Variants in PRLR observed in about 807,000 individuals in gnomAD.
The protein encoded by PRLR is prolactin receptor.
In PRLR, 13 loss-of-function variants were observed where a neutral mutation model predicts 40.2. The observed-to-expected ratio is 0.32, with a 90% CI of 0.21 to 0.51. The LOEUF (loss-of-function observed/expected upper bound fraction) is 0.51, where lower values mean the gene tolerates loss of function less well. PRLR is among the 20% of genes least tolerant of loss of function. The pLI is 0.97. For missense variants in PRLR, 656 were observed against 747.3 expected (o/e 0.88, Z 1.42); for synonymous variants, 269 against 278.7 (o/e 0.97, Z 0.35).
chr5:35,119,411 C>A (rs1773201161), intron 1 of PRLR, among the ~76,000 whole-genome samples: 1 of 151,944 alleles, frequency 6.6e-6, no homozygotes, highest in Non-Finnish European at 1.5e-5. Context: ...CACACACACA[C>A]ACACCACTTT....
chr5:35,157,669 C>A (rs1273000511), intron 1 of PRLR, among the ~76,000 whole-genome samples: 2 of 152,136 alleles, frequency 1.3e-5, no homozygotes, highest in African/African-American at 4.8e-5. Flanking sequence ...CTACTTTAAG[C>A]ACACATACCC....
At chr5:35,138,954 T>C (rs1773934369) in intron 1 of PRLR, among the ~76,000 whole-genome samples, 1 of 152,086 alleles carries the variant, frequency 6.6e-6, no homozygotes, top group African/African-American at 2.4e-5. Flanking sequence ...TGTCAGGGAC[T>C]GAGGGGTAGG....
At chr5:35,173,932 A>G (rs1159594262) in intron 1 of PRLR, among the ~76,000 whole-genome samples, 1 of 152,054 alleles carries the variant, frequency 6.6e-6, no homozygotes, top group Non-Finnish European at 1.5e-5. Context: ...TGCTGCATCC[A>G]TTAACTCATC....
intron 1 of PRLR, among the ~76,000 whole-genome samples, chr5:35,189,191 C>T (rs1775530625): frequency 6.6e-6 from 1 of 152,172 alleles, no homozygotes; most frequent in Non-Finnish European, 1.5e-5. Context: ...CAGAAGCTAG[C>T]AGACAGCCAT....
chr5:35,191,048 CTTTTTTTTTTTTTTTTTTTTTTTTTT>C lies in PRLR; in HGVS notation c.-106+39194_-106+39219del, dbSNP rs869174221. The stretch of plus-strand genomic sequence containing the variant: ...ATCCAATTAACAGATGTGTTATTTT[CTTTTTTTTTTTTTTTTTTTTTTTTTT>C]TTTTTTTTTTTTTTGAGACGGAGTC... On this transcript the variant is annotated intron_variant, in intron 1 of 9. Coordinates refer to ENST00000618457, the MANE Select transcript of PRLR (RefSeq NM_000949.7). Among the ~76,000 whole-genome samples the C allele has an allele frequency of 8.8e-5, 6 of 68,166 alleles. No homozygotes were observed. The East Asian group carries it at 3.1e-3, about 35-fold the overall frequency. The allele number at this position is 68,166 out of a possible 152,430, so 44.7% of individuals were successfully genotyped here.
At chr5:35,156,050 A>T (rs748258416) in intron 1 of PRLR, among the ~76,000 whole-genome samples, 3 of 151,612 alleles carry the variant, frequency 2.0e-5, no homozygotes, top group Non-Finnish European at 4.4e-5. Context: ...AATACAGTTT[A>T]TAAGTGTGTT....
At chr5:35,051,258 T>A (rs1768488260), downstream of PRLR, among the ~76,000 whole-genome samples, 1 of 152,236 alleles carries the variant, frequency 6.6e-6, no homozygotes, top group South Asian at 2.1e-4. Flanking sequence ...GCACAGTGCC[T>A]GGCATACAGT....
In PRLR at chr5:35,064,806, G is replaced by A. The variant is rs1402217845; in HGVS notation, c.*283C>T. The A allele has an allele frequency of 5.6e-6, 2 of 358,868 alleles. No homozygotes were observed. Among genetic ancestry groups the A allele is most frequent in the Non-Finnish European group, 1.0e-5 (2 of 199,410 alleles). The allele number at this position is 358,868 out of a possible 1,614,324, so 22.2% of individuals were successfully genotyped here. A position where few individuals can be genotyped will look rare whatever the true frequency, so the allele number is the denominator to read the frequency against. On this transcript the variant is annotated 3_prime_UTR_variant, in exon 10 of 10. Transcript: ENST00000618457. ...CCTTTTCCAGAGGATATACCTATTG[G>A]CATTGTCCCTCAAGAATACTAAGCA...
rs1769156666 is a variant in PRLR at position 35,063,365 on chromosome 5, T to G, written c.*1724A>C. On this transcript the variant is annotated 3_prime_UTR_variant, in exon 10 of 10. Transcript: ENST00000618457. ...AACTCCCAGAGGTGAGCTCAAGTTC[T>G]CTATGTCCAGCTAGTAAATGGACAT... is the stretch of plus-strand genomic sequence containing the variant. 6.6e-6 allele frequency: 1 copy of G among 152,188 alleles called. No homozygotes were observed. Among genetic ancestry groups the G allele is most frequent in the African/African-American group, 2.4e-5 (1 of 41,456 alleles). 9.4% of individuals were successfully genotyped at this position (152,188 alleles called of 1,614,324 possible). A position where few individuals can be genotyped will look rare whatever the true frequency, so the allele number is the denominator to read the frequency against.
chr5:35,161,110 T>C (rs1774662007), intron 1 of PRLR, among the ~76,000 whole-genome samples: 1 of 152,214 alleles, frequency 6.6e-6, no homozygotes, highest in South Asian at 2.1e-4. Context: ...CTGCTGACCC[T>C]TTCTCTACAA....
chr5:35,078,861 T>C (rs1267213501), intron 5 of PRLR, among the ~76,000 whole-genome samples: 1 of 152,154 alleles, frequency 6.6e-6, no homozygotes, highest in Non-Finnish European at 1.5e-5. Flanking sequence ...TTATCCACCA[T>C]GATCAAGTAG....
At chr5:35,108,684 A>G (rs1305473825) in intron 2 of PRLR, among the ~76,000 whole-genome samples, 4 of 152,190 alleles carry the variant, frequency 2.6e-5, no homozygotes, top group African/African-American at 4.8e-5. Flanking sequence ...CTTCAAGGAG[A>G]ACTACAAACC....
At chr5:35,207,292 T>G (rs1349938237) in intron 1 of PRLR, among the ~76,000 whole-genome samples, 2 of 152,036 alleles carry the variant, frequency 1.3e-5, no homozygotes, top group Non-Finnish European at 2.9e-5. Flanking sequence ...ACACTTATAA[T>G]TAATTATAAT....
chr5:35,154,086 G>T (rs940891308), intron 1 of PRLR, among the ~76,000 whole-genome samples: 5 of 152,274 alleles, frequency 3.3e-5, no homozygotes, highest in Admixed American at 2.6e-4. Flanking sequence ...ACCAAAATGG[G>T]ATTCCAAAGT....
rs142749260 is a variant in PRLR at position 35,221,104 on chromosome 5, C to G, written c.-106+9164G>C. 3.6e-3 allele frequency among the ~76,000 whole-genome samples: 553 copies of G among 152,276 alleles called. 3 individuals carry two copies. Among genetic ancestry groups the G allele is most frequent in the Middle Eastern group, 0.017 (5 of 294 alleles). On this transcript the variant is annotated intron_variant, in intron 1 of 9. Transcript: ENST00000618457. ...CAGGGTCTGAGAGGGTGTTACACAG[C>G]CTAGTTATTTCTTGGCTAATTTACC...
rs549308465 is a variant in PRLR at position 35,176,140 on chromosome 5, C to T, written c.-106+54128G>A. Among the ~76,000 whole-genome samples the T allele has an allele frequency of 8.5e-5, 13 of 152,118 alleles. No individual in the cohort carries two copies. In the South Asian group the frequency reaches 2.7e-3, roughly 32 times the overall value. ...ACTCAGTTGAGTCTTTCTGTACTGT[C>T]CCTTGTTATCATCTATTTGTCTCCC... On this transcript the variant is annotated intron_variant, in intron 1 of 9. Transcript: ENST00000618457.
At chr5:35,107,432 C>A (rs1256179432) in intron 2 of PRLR, among the ~76,000 whole-genome samples, 2 of 152,048 alleles carry the variant, frequency 1.3e-5, no homozygotes, top group African/African-American at 2.4e-5. Flanking sequence ...ATTAGTGAAT[C>A]TAGGAGCTGG....
At chr5:35,193,086 T>G (rs1408314126) in intron 1 of PRLR, among the ~76,000 whole-genome samples, 2 of 152,134 alleles carry the variant, frequency 1.3e-5, no homozygotes, top group Non-Finnish European at 2.9e-5. Flanking sequence ...ATATCCTTCT[T>G]CTTCAGAGAT....
intron 2 of PRLR, among the ~76,000 whole-genome samples, chr5:35,093,820 C>A (rs1771368807): frequency 6.6e-6 from 1 of 152,052 alleles, no homozygotes; most frequent in Non-Finnish European, 1.5e-5. Flanking sequence ...TGTTCTTTTT[C>A]TATGTTTAGA....
Sources: allele counts gnomAD v4.1 joint callset (sites outside exome capture counted in the v4.1 genomes callset), GRCh38; gene constraint gnomAD v4.1.1; transcripts MANE v1.5; gene names NCBI Gene and HGNC (gene_info 2026-07-23, HGNC 2026-07-21).